GRM5: variants seen among roughly 807,000 people sequenced by gnomAD.
GRM5 encodes the protein metabotropic glutamate receptor 5.
Under a neutral mutation model 83.1 loss-of-function variants are expected in GRM5, and 19 were observed. That is an observed-to-expected ratio of 0.23 (90% CI 0.16 to 0.34). GRM5 has a LOEUF of 0.34. Ranked by LOEUF, GRM5 falls within the 10% of genes least tolerant of loss-of-function variation. GRM5 has a pLI of 1.00. For missense variants in GRM5, 1,160 were observed against 1,588.3 expected (o/e 0.73, Z 4.58); for synonymous variants, 675 against 633.6 (o/e 1.07, Z -0.98).
chr11:88,988,492 C>T (rs1471372960), intron 2 of GRM5, among the ~76,000 whole-genome samples: 8 of 151,968 alleles, frequency 5.3e-5, no homozygotes, highest in Non-Finnish European at 8.8e-5. Flanking sequence ...AACATTCAGA[C>T]TCAGGAAATA....
At chr11:88,637,151 C>T (rs1939151885) in intron 4 of GRM5, among the ~76,000 whole-genome samples, 1 of 152,018 alleles carries the variant, frequency 6.6e-6, no homozygotes. Context: ...GCAGTATGGC[C>T]ATTTTCATGA....
chr11:89,037,888 T>G (rs1330828323), intron 2 of GRM5, among the ~76,000 whole-genome samples: 1 of 152,118 alleles, frequency 6.6e-6, no homozygotes, highest in Non-Finnish European at 1.5e-5. Flanking sequence ...TTTTTTAGCT[T>G]CAAGACACAG....
intron 2 of GRM5, among the ~76,000 whole-genome samples, chr11:88,891,731 T>A (rs1945147608): frequency 6.6e-6 from 1 of 152,086 alleles, no homozygotes; most frequent in Admixed American, 6.6e-5. Flanking sequence ...TATCTTGCTA[T>A]GTTCCTTCTC....
chr11:88,672,164 G>A (rs189169711), intron 3 of GRM5, among the ~76,000 whole-genome samples: 27 of 151,902 alleles, frequency 1.8e-4, no homozygotes, highest in Admixed American at 5.9e-4. Context: ...TGATAAAACC[G>A]ATTATAGCTA....
intron 2 of GRM5, among the ~76,000 whole-genome samples, chr11:88,867,109 C>G (rs1420543772): frequency 6.6e-6 from 1 of 151,970 alleles, no homozygotes; most frequent in African/African-American, 2.4e-5. Flanking sequence ...GTTACTGTAG[C>G]CTTGTCGTAT....
intron 3 of GRM5, among the ~76,000 whole-genome samples, chr11:88,804,761 G>A (rs1480079620): frequency 6.6e-6 from 1 of 152,028 alleles, no homozygotes; most frequent in Non-Finnish European, 1.5e-5. Context: ...GTAAGTGGGA[G>A]CTAAATGGCA....
chr11:88,537,511 C>A (rs752456666), intron 8 of GRM5, among the ~76,000 whole-genome samples: 3 of 152,094 alleles, frequency 2.0e-5, no homozygotes, highest in Non-Finnish European at 4.4e-5. Context: ...CCCAAGTCAG[C>A]CTTCCAAGTC....
intron 4 of GRM5, 98 bp downstream of exon 4, chr11:88,653,070 C>T (rs189722019): frequency 1.3e-6 from 1 of 745,134 alleles, no homozygotes; most frequent in Admixed American, 2.4e-5. Context: ...TAAGAGTCCT[C>T]CCTTGTAACA....
At chr11:88,617,636 G>A (rs748410686) in intron 4 of GRM5, among the ~76,000 whole-genome samples, 8 of 152,104 alleles carry the variant, frequency 5.3e-5, no homozygotes, top group Non-Finnish European at 1.0e-4. Flanking sequence ...GTAAGCGGTG[G>A]GTGCAAAGGC....
intron 2 of GRM5, among the ~76,000 whole-genome samples, chr11:89,009,900 CAAAAA>C (rs758398638): frequency 3.7e-4 from 8 of 21,690 alleles, no homozygotes; most frequent in South Asian, 2.4e-3. Context: ...GACTCCGTCT[CAAAAA>C]AAAAAAAAAA....
At chr11:88,985,407 C>A (rs1459480392) in intron 2 of GRM5, among the ~76,000 whole-genome samples, 1 of 152,046 alleles carries the variant, frequency 6.6e-6, no homozygotes, top group Admixed American at 6.6e-5. Flanking sequence ...GAGAAGCATT[C>A]CCTAAAGCAA....
At chr11:88,647,934 C>T (rs1939509433) in intron 4 of GRM5, among the ~76,000 whole-genome samples, 1 of 150,218 alleles carries the variant, frequency 6.7e-6, no homozygotes, top group African/African-American at 2.4e-5. Flanking sequence ...CAGAGAAATG[C>T]AAATCAAAAC....
intron 3 of GRM5, among the ~76,000 whole-genome samples, chr11:88,765,874 TA>T (rs1942616687): frequency 6.6e-6 from 1 of 151,738 alleles, no homozygotes; most frequent in African/African-American, 2.4e-5. Context: ...AAATTGTGTA[TA>T]CAAAGACACT....
intron 2 of GRM5, among the ~76,000 whole-genome samples, chr11:88,966,967 C>G (rs1364914329): frequency 6.6e-6 from 1 of 152,072 alleles, no homozygotes; most frequent in African/African-American, 2.4e-5. Context: ...TCAAAGCTAG[C>G]TGTGGCCATG....
At chr11:88,916,096 A>C (rs916584830) in intron 2 of GRM5, among the ~76,000 whole-genome samples, 5 of 152,190 alleles carry the variant, frequency 3.3e-5, no homozygotes, top group African/African-American at 1.2e-4. Context: ...ATTTGGTAGG[A>C]GGAGAAACAA....
At chr11:88,731,837 T>G (rs1468688351) in intron 3 of GRM5, among the ~76,000 whole-genome samples, 1 of 152,008 alleles carries the variant, frequency 6.6e-6, no homozygotes, top group Admixed American at 6.6e-5. Flanking sequence ...TATTTAAAAT[T>G]GAATTTTCTG....
chr11:89,006,792 T>C (rs978263040), intron 2 of GRM5, among the ~76,000 whole-genome samples: 6 of 152,032 alleles, frequency 3.9e-5, no homozygotes, highest in African/African-American at 1.4e-4. Flanking sequence ...TGTTTTGTTT[T>C]GTTTTGCTTT....
At chr11:88,986,834 T>A (rs1163289266) in intron 2 of GRM5, among the ~76,000 whole-genome samples, 1 of 151,924 alleles carries the variant, frequency 6.6e-6, no homozygotes, top group African/African-American at 2.4e-5. Flanking sequence ...ATAGAAGTTT[T>A]ATGTTTTCAC....
chr11:88,763,391 A>C (rs1371640109), intron 3 of GRM5, among the ~76,000 whole-genome samples: 1 of 151,884 alleles, frequency 6.6e-6, no homozygotes, highest in Non-Finnish European at 1.5e-5. Flanking sequence ...TACCATTGTA[A>C]CAATGGTTTA....
Sources: allele counts gnomAD v4.1 joint callset (sites outside exome capture counted in the v4.1 genomes callset), GRCh38; gene constraint gnomAD v4.1.1; transcripts MANE v1.5; gene names NCBI Gene and HGNC (gene_info 2026-07-23, HGNC 2026-07-21).